The following ACOX3 variants were observed in gnomAD, a reference collection of about 807,000 sequenced individuals.
ACOX3 encodes acyl-CoA oxidase 3, pristanoyl.
In ACOX3, 73 loss-of-function variants were observed where a neutral mutation model predicts 81.5. That is an observed-to-expected ratio of 0.90 (90% CI 0.74 to 1.09). ACOX3 has a LOEUF of 1.09. ACOX3 is among the 50% of genes least tolerant of loss of function. The probability of loss-of-function intolerance (pLI) is 0.00; values close to 1 mark genes in which losing one functional copy is unlikely to be tolerated. For synonymous variants in ACOX3, 387 were observed against 375.1 expected, an observed-to-expected ratio of 1.03 and a Z score of -0.37; for missense variants, 947 against 928.0, an observed-to-expected ratio of 1.02 and a Z score of -0.27.
rs6852348 is a variant in ACOX3, at chr4:8,394,849, A to G, written c.1057-107T>C. On this transcript the variant is annotated intron_variant, in intron 9 of 17. Transcript: ENST00000356406. This position sits in a 1 kb window ranked among gnomAD's most constrained non-coding sequence, Gnocchi z 5.9. ...CAGGGAGAGGCCGTCAGGGCCACACACCCACTAGCGCTGAAGGTCTTCACA... is the reference window on the plus strand; with the variant it reads ...CAGGGAGAGGCCGTCAGGGCCACACGCCCACTAGCGCTGAAGGTCTTCACA... 1 of 1,417,184 alleles carries G rather than the reference A, an allele frequency of 7.1e-7. No individual in the cohort carries two copies. Among genetic ancestry groups the G allele is most frequent in the East Asian group, 2.5e-5 (1 of 39,504 alleles). The allele number at this position is 1,417,184 out of a possible 1,614,324, so 87.8% of individuals were successfully genotyped here.
At chr4:8,429,742 G>T (rs1723840553) in intron 1 of ACOX3, among the ~76,000 whole-genome samples, 1 of 151,890 alleles carries the variant, frequency 6.6e-6, no homozygotes, top group Non-Finnish European at 1.5e-5. Flanking sequence ...CATTACAACA[G>T]AATCAACTAG....
intron 1 of ACOX3, chr4:8,439,152 T>C (rs1325092617): frequency 6.6e-6 from 1 of 152,232 alleles, no homozygotes; most frequent in East Asian, 1.9e-4. Flanking sequence ...CTTTTGTCCT[T>C]GCTGGATACA....
chr4:8,402,154 C>A (rs948850486), intron 7 of ACOX3, among the ~76,000 whole-genome samples: 1 of 152,238 alleles, frequency 6.6e-6, no homozygotes, highest in Non-Finnish European at 1.5e-5. Flanking sequence ...GGGAAAGACA[C>A]AGCGACAGTT....
Position 8,389,727 on chromosome 4 carries a change from C to T in ACOX3, c.1308G>A (p.Arg436=), listed in dbSNP as rs760103634. 4 of 1,613,828 alleles carry T rather than the reference C, an allele frequency of 2.5e-6. No individual in the cohort carries two copies. In the African/African-American group the frequency reaches 4.0e-5, roughly 16 times the overall value. The part of the protein sequence containing the change: ...CGGHGYLAMN[R]LGVLRDDNDP... ...CGTTGTCATCTCTAAGGACACCCAA[C>T]CGGTTCACTGCAACAAAGCCACAAT... Residue 436 remains arginine (R), a synonymous_variant, in exon 12 of 18, where the codon CGG becomes CGA. Coordinates refer to ENST00000356406, the MANE Select transcript of ACOX3 (RefSeq NM_003501.3). The surrounding 1 kb of genome is among the most constrained non-coding windows in gnomAD (Gnocchi z 5.3).
intron 1 of ACOX3, among the ~76,000 whole-genome samples, chr4:8,427,443 C>T (rs1200540687): frequency 6.6e-6 from 1 of 152,224 alleles, no homozygotes; most frequent in Non-Finnish European, 1.5e-5. Context: ...GCCCCGCTGA[C>T]TTCCACCCCC....
chr4:8,414,293 T>C lies in ACOX3; in HGVS notation c.542A>G (p.Glu181Gly). 2 of 1,613,180 alleles carry C rather than the reference T, an allele frequency of 1.2e-6. No individual in the cohort carries two copies. Among genetic ancestry groups the C allele is most frequent in the Non-Finnish European group, 1.7e-6 (2 of 1,179,128 alleles). Residue 181 changes from glutamate to glycine, a missense_variant and splice_region_variant, in exon 5 of 18, where the codon GAG (glutamate) becomes GGG (glycine). Coordinates refer to ENST00000356406, the MANE Select transcript of ACOX3 (RefSeq NM_003501.3). This position sits in a 1 kb window ranked among gnomAD's most constrained non-coding sequence, Gnocchi z 6.1. Reference sequence around the variant, plus strand: ...GACCCGGGGGAAGGTAATACCTACCTCAGTGGCAGGATCGTAGTGGGCAGT... The same window carrying C: ...GACCCGGGGGAAGGTAATACCTACCCCAGTGGCAGGATCGTAGTGGGCAGT... ...RTTAHYDPAT[E>G]EFIIHSPDFE...
At chr4:8,396,288 G>A (rs1223619296) in intron 9 of ACOX3, among the ~76,000 whole-genome samples, 1 of 152,196 alleles carries the variant, frequency 6.6e-6, no homozygotes, top group Non-Finnish European at 1.5e-5. Context: ...CAAAGAGTGT[G>A]CACAGGGCGT....
rs28664136 is a variant in ACOX3, at chr4:8,382,052, G to A, written c.1538-445C>T. Reference sequence around the variant, plus strand: ...GCGCCCAGTGGCGAGAGGAAGGGGTGCTTCCGTTCGCCTCCCCCTGCCTGG... The same window carrying A: ...GCGCCCAGTGGCGAGAGGAAGGGGTACTTCCGTTCGCCTCCCCCTGCCTGG... On this transcript the variant is annotated intron_variant, in intron 13 of 17. Coordinates refer to ENST00000356406, the MANE Select transcript of ACOX3 (RefSeq NM_003501.3). This position sits in a 1 kb window ranked among gnomAD's most constrained non-coding sequence, Gnocchi z 4.1. 0.053 allele frequency among the ~76,000 whole-genome samples: 8,144 copies of A among 152,328 alleles called. 298 individuals carry two copies. Among genetic ancestry groups the A allele is most frequent in the African/African-American group, 0.098 (4,076 of 41,578 alleles).
rs1722684062 is a variant in ACOX3, at chr4:8,419,372, T to C, written c.-14-2837A>G. On this transcript the variant is annotated intron_variant, in intron 1 of 17. Coordinates refer to ENST00000356406, the MANE Select transcript of ACOX3 (RefSeq NM_003501.3). This position sits in a 1 kb window ranked among gnomAD's most constrained non-coding sequence, Gnocchi z 4.2. ...ATTACTTAAACCCGGGAGGCAGAGA[T>C]TGCAGTAGCCTAGATTGCGCCACTG... Among the ~76,000 whole-genome samples, 2 of 151,788 alleles carry C rather than the reference T, an allele frequency of 1.3e-5. No homozygotes were observed. Among genetic ancestry groups the C allele is most frequent in the South Asian group, 4.2e-4 (2 of 4,790 alleles).
chr4:8,415,829 G>C lies in ACOX3; in HGVS notation c.315C>G (p.Ala105=). The C allele has an allele frequency of 6.2e-7, 1 of 1,614,190 alleles. No individual in the cohort carries two copies. The change falls in exon 3 of 18, where the codon GCC becomes GCG. Residue 105 remains alanine (A), a synonymous_variant. Coordinates refer to ENST00000356406, the MANE Select transcript of ACOX3 (RefSeq NM_003501.3). The part of the protein sequence containing the change: ...DMFKSPLKVP[A]LIQCLGMYDS... ...CATACATGCCCAGGCACTGAATCAA[G>C]GCGGGGACCTTCAGAGGGCTCTTGA...
intron 14 of ACOX3, among the ~76,000 whole-genome samples, chr4:8,380,752 C>G (rs1250353424): frequency 1.3e-5 from 2 of 152,218 alleles, no homozygotes; most frequent in African/African-American, 4.8e-5. Flanking sequence ...CTCTCCGTAT[C>G]CACGGCCTCC....
the ACOX3 span, among the ~76,000 whole-genome samples, chr4:8,361,176 C>A: frequency 6.6e-6 from 1 of 151,996 alleles, no homozygotes. Flanking sequence ...GTAATCCCAG[C>A]AGTTTGGGAG....
Position 8,405,049 on chromosome 4 carries a change from C to A in ACOX3, c.776+906G>T, listed in dbSNP as rs2108927252. ...GCCTGGCAGGGCCCTGGCACAGGGACCTCTCTTGTCACCTACTTTACAGAT... is the reference window on the plus strand; with the variant it reads ...GCCTGGCAGGGCCCTGGCACAGGGAACTCTCTTGTCACCTACTTTACAGAT... On this transcript the variant is annotated intron_variant, in intron 7 of 17. Transcript: ENST00000356406. The surrounding 1 kb of genome is among the most constrained non-coding windows in gnomAD (Gnocchi z 7.1). Among the ~76,000 whole-genome samples, 1 of 152,250 alleles carries A rather than the reference C, an allele frequency of 6.6e-6. No homozygotes were observed. Among genetic ancestry groups the A allele is most frequent in the East Asian group, 1.9e-4 (1 of 5,166 alleles).
intron 10 of ACOX3, chr4:8,393,133 A>ATG (rs1553843303): frequency 7.0e-6 from 1 of 142,224 alleles, no homozygotes; most frequent in African/African-American, 2.8e-5. Flanking sequence ...CTTTTTTTTA[A>ATG]GGGGAAAAAA....
the ACOX3 span, chr4:8,356,337 T>A: frequency 8.4e-6 from 3 of 358,138 alleles, no homozygotes; most frequent in Non-Finnish European, 1.7e-5. Context: ...GTATAAGAAA[T>A]CTCCCCTGTG....
rs925837477 is a variant in ACOX3 at position 8,368,909 on chromosome 4, G to A, written c.1984-1829C>T. ...TGCCTAGGCTGGTCTCAAACTCCTG[G>A]GCTAAAGGGATCCGCCCGCCTCAGC... On this transcript the variant is annotated intron_variant, in intron 17 of 17. Coordinates refer to ENST00000356406, the MANE Select transcript of ACOX3 (RefSeq NM_003501.3). The surrounding 1 kb of genome is among the most constrained non-coding windows in gnomAD (Gnocchi z 5.9). Among the ~76,000 whole-genome samples, 3 of 151,924 alleles carry A rather than the reference G, an allele frequency of 2.0e-5. No individual in the cohort carries two copies. The highest frequency in any genetic ancestry group is 4.4e-5 in the Non-Finnish European group (3 of 67,966).
chr4:8,403,693 T>C (rs1158782383), intron 7 of ACOX3, among the ~76,000 whole-genome samples: 2 of 152,338 alleles, frequency 1.3e-5, no homozygotes, highest in South Asian at 4.1e-4. Flanking sequence ...TATTAATCAT[T>C]AATGGTTTGA....
intron 5 of ACOX3, 125 bp from the exon 6 acceptor site, chr4:8,410,480 TC>T (rs1232997623): frequency 9.3e-6 from 12 of 1,291,288 alleles, no homozygotes; most frequent in Middle Eastern, 4.3e-4. Context: ...TTGAAACTAA[TC>T]GCACATTTTA....
At chr4:8,367,484 AAAAC>A (rs1553832266) in intron 17 of ACOX3, among the ~76,000 whole-genome samples, 7 of 152,136 alleles carry the variant, frequency 4.6e-5, no homozygotes, top group East Asian at 1.9e-4. Flanking sequence ...ACTCCGTCTC[AAAAC>A]AAACAAACAA....
Sources: gnomAD v4.1 joint callset for allele counts (sites outside exome capture counted in the v4.1 genomes callset) on GRCh38, gnomAD v4.1.1 for gene constraint, Gnocchi (gnomAD v3.1) non-coding constraint, MANE v1.5 for transcripts, NCBI Gene and HGNC (gene_info 2026-07-23, HGNC 2026-07-21) for gene names.